Variants in SGCZ observed in about 807,000 individuals in gnomAD.
SGCZ encodes zeta-sarcoglycan.
SGCZ carries 40 observed loss-of-function variants against 41.3 expected under a neutral mutation model. The observed-to-expected ratio is 0.97, with a 90% CI of 0.75 to 1.26. SGCZ has a LOEUF of 1.26. Ranked by LOEUF, SGCZ falls within the 50% of genes most tolerant of loss-of-function variation. The pLI, the probability that SGCZ is intolerant of heterozygous loss-of-function variation, is 0.00. For synonymous variants in SGCZ, 206 were observed against 137.5 expected (o/e 1.50, Z -3.49); for missense variants, 552 against 369.8 (o/e 1.49, Z -4.04).
chr8:14,766,357 A>G (rs1166399054), intron 1 of SGCZ, among the ~76,000 whole-genome samples: 1 of 152,138 alleles, frequency 6.6e-6, no homozygotes, highest in Non-Finnish European at 1.5e-5. Flanking sequence ...CAGATTGTAT[A>G]TAATTCTGGA....
chr8:15,198,891 G>C (rs1331002491), intron 1 of SGCZ, among the ~76,000 whole-genome samples: 1 of 152,070 alleles, frequency 6.6e-6, no homozygotes, highest in South Asian at 2.1e-4. Context: ...GTCAGATTTA[G>C]GTATCAAGGA....
At chr8:14,971,863 T>C (rs950583016) in intron 1 of SGCZ, among the ~76,000 whole-genome samples, 1 of 152,010 alleles carries the variant, frequency 6.6e-6, no homozygotes, top group African/African-American at 2.4e-5. Flanking sequence ...TTGGCCAGAA[T>C]GGTTTCAATC....
intron 2 of SGCZ, among the ~76,000 whole-genome samples, chr8:14,460,131 C>T (rs1800860576): frequency 6.6e-6 from 1 of 152,152 alleles, no homozygotes; most frequent in Non-Finnish European, 1.5e-5. Context: ...TTAGGAGCAG[C>T]TAGGTGAAGT....
intron 5 of SGCZ, among the ~76,000 whole-genome samples, chr8:14,145,640 C>A (rs960145704): frequency 1.3e-5 from 2 of 152,082 alleles, no homozygotes; most frequent in Admixed American, 1.3e-4. Flanking sequence ...AACAGAGATA[C>A]GTGACCTTTT....
chr8:15,122,922 A>C (rs995333983), intron 1 of SGCZ, among the ~76,000 whole-genome samples: 30 of 152,186 alleles, frequency 2.0e-4, no homozygotes, highest in African/African-American at 5.3e-4. Context: ...GATTCTTCTT[A>C]TTATTATTTG....
chr8:15,075,672 C>T (rs112398362), intron 1 of SGCZ, among the ~76,000 whole-genome samples: 1 of 152,100 alleles, frequency 6.6e-6, no homozygotes, highest in African/African-American at 2.4e-5. Flanking sequence ...ATCTACCTGT[C>T]TATTACTCCA....
At chr8:14,916,183 G>C (rs750914221) in intron 1 of SGCZ, among the ~76,000 whole-genome samples, 2 of 152,136 alleles carry the variant, frequency 1.3e-5, no homozygotes, top group African/African-American at 2.4e-5. Flanking sequence ...ACATATGTAA[G>C]TAACAAATAA....
intron 2 of SGCZ, among the ~76,000 whole-genome samples, chr8:14,391,985 C>A (rs1163909894): frequency 6.6e-6 from 1 of 152,046 alleles, no homozygotes; most frequent in Non-Finnish European, 1.5e-5. Context: ...CATAACCTCC[C>A]AACAAGCCCC....
chr8:14,299,258 G>C (rs1801112673), intron 3 of SGCZ, among the ~76,000 whole-genome samples: 1 of 151,842 alleles, frequency 6.6e-6, no homozygotes, highest in African/African-American at 2.4e-5. Flanking sequence ...ACAAATTTCA[G>C]GTAGTCAAAG....
intron 6 of SGCZ, among the ~76,000 whole-genome samples, chr8:14,102,803 T>A (rs967665560): frequency 2.0e-5 from 3 of 152,140 alleles, no homozygotes; most frequent in Non-Finnish European, 4.4e-5. Context: ...AGAATGCTCA[T>A]GAAAAGTAGG....
chr8:14,811,431 C>A (rs537074254), intron 1 of SGCZ, among the ~76,000 whole-genome samples: 1 of 140,868 alleles, frequency 7.1e-6, no homozygotes, highest in African/African-American at 2.6e-5. Flanking sequence ...TAAAACAGCA[C>A]AAAAACAAAA....
chr8:14,704,919 T>C (rs1221304585), intron 1 of SGCZ, among the ~76,000 whole-genome samples: 1 of 151,978 alleles, frequency 6.6e-6, no homozygotes, highest in Non-Finnish European at 1.5e-5. Flanking sequence ...GATGCAACTA[T>C]CAGTCAATGT....
intron 1 of SGCZ, among the ~76,000 whole-genome samples, chr8:14,862,030 T>A (rs1001265751): frequency 6.6e-6 from 1 of 151,960 alleles, no homozygotes; most frequent in Admixed American, 6.6e-5. Context: ...AAAAAAATAG[T>A]CTGTAGTAAC....
chr8:14,963,571 C>A (rs1801037076), intron 1 of SGCZ, among the ~76,000 whole-genome samples: 1 of 152,066 alleles, frequency 6.6e-6, no homozygotes, highest in Non-Finnish European at 1.5e-5. Context: ...TGGTTTCGAA[C>A]ACCTGACCTC....
chr8:15,127,258 ACAAACACACACACAC>A (rs1399592397), intron 1 of SGCZ, among the ~76,000 whole-genome samples: 12 of 3,506 alleles, frequency 3.4e-3, no homozygotes, highest in African/African-American at 9.5e-3. Context: ...ACACACACAA[ACAAACACACACACAC>A]ACACACACAC....
At chr8:14,977,317 A>G (rs188068040) in intron 1 of SGCZ, among the ~76,000 whole-genome samples, 1 of 152,338 alleles carries the variant, frequency 6.6e-6, no homozygotes, top group Non-Finnish European at 1.5e-5. Flanking sequence ...GCTTGGTCAA[A>G]CAAAGGCACT....
At chr8:14,703,145 T>C (rs1203264459) in intron 1 of SGCZ, among the ~76,000 whole-genome samples, 2 of 152,004 alleles carry the variant, frequency 1.3e-5, no homozygotes, top group Admixed American at 6.6e-5. Flanking sequence ...GTTATCACCC[T>C]ATTCAGAACA....
intron 2 of SGCZ, among the ~76,000 whole-genome samples, chr8:14,404,455 A>T (rs1799158249): frequency 6.6e-6 from 1 of 152,202 alleles, no homozygotes; most frequent in African/African-American, 2.4e-5. Context: ...GAGAATTCAG[A>T]TAATCTTTTC....
At chr8:15,014,004 T>C (rs1802931399) in intron 1 of SGCZ, among the ~76,000 whole-genome samples, 1 of 152,146 alleles carries the variant, frequency 6.6e-6, no homozygotes, top group Non-Finnish European at 1.5e-5. Context: ...CATTTTGGAG[T>C]TCAATCCCAA....
Sources: gnomAD v4.1 joint callset for allele counts (sites outside exome capture counted in the v4.1 genomes callset) on GRCh38, gnomAD v4.1.1 for gene constraint, MANE v1.5 for transcripts, NCBI Gene and HGNC (gene_info 2026-07-23, HGNC 2026-07-21) for gene names.